NRTN: variants seen among roughly 807,000 people sequenced by gnomAD.
The protein encoded by NRTN is neurturin.
Under a neutral mutation model 7.5 loss-of-function variants are expected in NRTN, and 3 were observed. The ratio of observed to expected loss-of-function variants is 0.40; its 90% CI spans 0.18 to 1.03. The LOEUF is 1.03. NRTN is among the 50% of genes least tolerant of loss of function. The pLI, the probability that NRTN is intolerant of heterozygous loss-of-function variation, is 0.34. For missense variants in NRTN, 310 were observed against 307.0 expected (o/e 1.01, Z -0.07); for synonymous variants, 157 against 146.6 (o/e 1.07, Z -0.51).
chr19:5,824,425 A>T, intron 2 of NRTN, 91 bp downstream of exon 2: 1 of 1,486,432 alleles, frequency 6.7e-7, no homozygotes, highest in Non-Finnish European at 9.0e-7. Context: ...GGGGTGTCAT[A>T]GGTTTTTTAA....
At chr19:5,817,507 G>T (rs1568397788) in intron 1 of NRTN, among the ~76,000 whole-genome samples, 1 of 126,310 alleles carries the variant, frequency 7.9e-6, no homozygotes, top group Non-Finnish European at 1.6e-5. Context: ...AAGGAAGGAA[G>T]GGAGGGAGGG....
At chr19:5,825,287 G>A (rs1285816326) in intron 2 of NRTN, among the ~76,000 whole-genome samples, 3 of 152,152 alleles carry the variant, frequency 2.0e-5, no homozygotes, top group Non-Finnish European at 4.4e-5. Flanking sequence ...TGTGGGGTGA[G>A]GGTGGTGCGT....
rs548221060 is a variant in NRTN, at chr19:5,828,259, A to G, written c.*86A>G. On this transcript the variant is annotated 3_prime_UTR_variant, in exon 3 of 3. Transcript: ENST00000303212. The stretch of plus-strand genomic sequence containing the variant: ...GCCCCGCGAAAGACTGCGCGTGCGT[A>G]GAGCACGCCGGCGCGGCCCCGGGAC... 2.1e-6 allele frequency: 3 copies of G among 1,403,940 alleles called. No homozygotes were observed. The highest frequency in any genetic ancestry group is 1.3e-5 in the South Asian group (1 of 75,696). The allele number at this position is 1,403,940 out of a possible 1,614,324, so 87.0% of individuals were successfully genotyped here.
At chr19:5,816,312 T>G (rs1235463260) in intron 1 of NRTN, among the ~76,000 whole-genome samples, 1 of 152,228 alleles carries the variant, frequency 6.6e-6, no homozygotes. Flanking sequence ...CTGAGACTCC[T>G]CCTCCATCTG....
At position 5,806,741 on chromosome 19, in the gene NRTN, C is replaced by G. The variant is rs2056976293; in HGVS notation, c.-399+1290C>G. Among the ~76,000 whole-genome samples, 2 of 152,182 alleles carry G rather than the reference C, an allele frequency of 1.3e-5. No homozygotes were observed. The highest frequency in any genetic ancestry group is 2.9e-5 in the Non-Finnish European group (2 of 68,038). ...TGCAGGGAAGAAAATAAAACATTCC[C>G]CTCTTCAGCTGGGTACTGCATCTGA... On this transcript the variant is annotated intron_variant, in intron 1 of 2. Transcript: ENST00000303212. This position sits in a 1 kb window ranked among gnomAD's most constrained non-coding sequence, Gnocchi z 5.4.
At chr19:5,815,838 G>A (rs1456296864) in intron 1 of NRTN, among the ~76,000 whole-genome samples, 3 of 148,776 alleles carry the variant, frequency 2.0e-5, no homozygotes, top group Non-Finnish European at 3.0e-5. Flanking sequence ...TCCTTCTCCC[G>A]GGTTCAAGCA....
At chr19:5,827,033 A>T (rs1432442394) in intron 2 of NRTN, among the ~76,000 whole-genome samples, 1 of 152,168 alleles carries the variant, frequency 6.6e-6, no homozygotes, top group African/African-American at 2.4e-5. Flanking sequence ...GTCCCCACAC[A>T]GGCTTCGGAT....
chr19:5,806,356 G>A lies in NRTN; in HGVS notation c.-399+905G>A, dbSNP rs550057588. On this transcript the variant is annotated intron_variant, in intron 1 of 2. Coordinates refer to ENST00000303212, the MANE Select transcript of NRTN (RefSeq NM_004558.5). This position sits in a 1 kb window ranked among gnomAD's most constrained non-coding sequence, Gnocchi z 5.4. ...GGCTCGTCATTGGTCCAGATTTGGG[G>A]AGTGGGGCCAGGGGCTTAAAGCAGG... is the stretch of plus-strand genomic sequence containing the variant. Among the ~76,000 whole-genome samples the A allele has an allele frequency of 6.6e-6, 1 of 152,148 alleles. No individual in the cohort carries two copies. Among genetic ancestry groups the A allele is most frequent in the Non-Finnish European group, 1.5e-5 (1 of 68,028 alleles).
chr19:5,817,006 A>T (rs1321021673), intron 1 of NRTN, among the ~76,000 whole-genome samples: 1 of 152,178 alleles, frequency 6.6e-6, no homozygotes, highest in Admixed American at 6.6e-5. Context: ...GAGCCTGGAA[A>T]CATCTGAGTA....
At chr19:5,809,130 A>G (rs1179811840) in intron 1 of NRTN, among the ~76,000 whole-genome samples, 1 of 149,406 alleles carries the variant, frequency 6.7e-6, no homozygotes, top group Admixed American at 6.7e-5. Flanking sequence ...TTGACTCCCC[A>G]GTCTAGAAGC....
chr19:5,820,976 G>A (rs1031116770), intron 1 of NRTN, among the ~76,000 whole-genome samples: 4 of 152,044 alleles, frequency 2.6e-5, no homozygotes, highest in Admixed American at 6.6e-5. Flanking sequence ...AACACGCCAC[G>A]TGTGGTCTGC....
intron 1 of NRTN, among the ~76,000 whole-genome samples, chr19:5,822,274 C>T (rs547515277): frequency 6.6e-6 from 1 of 152,218 alleles, no homozygotes; most frequent in Non-Finnish European, 1.5e-5. Flanking sequence ...ACAAGGTGCA[C>T]GCATTTGGGG....
chr19:5,810,542 A>G (rs112270862), intron 1 of NRTN, among the ~76,000 whole-genome samples: 4,728 of 152,154 alleles, frequency 0.031, 242 homozygotes, highest in African/African-American at 0.11. Flanking sequence ...TTAAATGTAG[A>G]GGAAAGCACT....
Position 5,828,128 on chromosome 19 carries a change from C to CA in NRTN, c.549_550insA (p.His184ThrfsTer56). 6.6e-7 allele frequency: 1 copy of CA among 1,514,344 alleles called. No individual in the cohort carries two copies. The highest frequency in any genetic ancestry group is 1.2e-5 in the South Asian group (1 of 81,502). The allele number at this position is 1,514,344 out of a possible 1,614,324, so 93.8% of individuals were successfully genotyped here. A position where few individuals can be genotyped will look rare whatever the true frequency, so the allele number is the denominator to read the frequency against. On this transcript the variant is annotated frameshift_variant, in exon 3 of 3. Transcript: ENST00000303212. LOFTEE classifies it high-confidence loss of function. ...CCTTCCTGGACGCGCACAGCCGCTA[C>CA]CACACGGTGCACGAGCTGTCGGCGC...
At chr19:5,813,256 T>C (rs2056995701) in intron 1 of NRTN, among the ~76,000 whole-genome samples, 1 of 150,754 alleles carries the variant, frequency 6.6e-6, no homozygotes, top group African/African-American at 2.4e-5. Flanking sequence ...AGATGGAGGC[T>C]GGGCACAGTG....
At chr19:5,825,378 G>C (rs1363097747) in intron 2 of NRTN, among the ~76,000 whole-genome samples, 1 of 152,176 alleles carries the variant, frequency 6.6e-6, no homozygotes, top group Non-Finnish European at 1.5e-5. Context: ...GGCAGGGTGC[G>C]TGTGCAGCGC....
At chr19:5,820,564 C>CAAAA (rs72127155) in intron 1 of NRTN, among the ~76,000 whole-genome samples, 5 of 109,006 alleles carry the variant, frequency 4.6e-5, no homozygotes, top group African/African-American at 1.5e-4. Context: ...GACTCCGTCT[C>CAAAA]AAAAAAAAAA....
chr19:5,815,101 C>T (rs1020141423), intron 1 of NRTN, among the ~76,000 whole-genome samples: 3 of 152,226 alleles, frequency 2.0e-5, no homozygotes, highest in African/African-American at 7.2e-5. Flanking sequence ...GTCTGTGCGC[C>T]CTGGAATCTT....
intron 1 of NRTN, among the ~76,000 whole-genome samples, chr19:5,805,707 G>A (rs1461934594): frequency 6.6e-6 from 1 of 152,004 alleles, no homozygotes; most frequent in Non-Finnish European, 1.5e-5. Flanking sequence ...TGTCCGACGG[G>A]GCGGGCGCAC....
Sources: gnomAD v4.1 joint callset for allele counts (sites outside exome capture counted in the v4.1 genomes callset) on GRCh38, gnomAD v4.1.1 for gene constraint, Gnocchi (gnomAD v3.1) non-coding constraint, MANE v1.5 for transcripts, NCBI Gene and HGNC (gene_info 2026-07-23, HGNC 2026-07-21) for gene names.